LSG1: variants seen among roughly 807,000 people sequenced by gnomAD.
LSG1 encodes large subunit GTPase 1 homolog.
Under a neutral mutation model 82.6 loss-of-function variants are expected in LSG1, and 55 were observed. The ratio of observed to expected loss-of-function variants is 0.67; its 90% CI spans 0.54 to 0.83. LSG1 has a LOEUF of 0.83. LSG1 is among the 40% of genes least tolerant of loss of function. The pLI, the probability that LSG1 is intolerant of heterozygous loss-of-function variation, is 0.00. For missense variants in LSG1, 809 were observed against 807.9 expected, an observed-to-expected ratio of 1.00 and a Z score of -0.02; for synonymous variants, 272 against 282.5, an observed-to-expected ratio of 0.96 and a Z score of 0.37.
rs756114456 is a variant in LSG1, at chr3:194,651,126, T to C, written c.1264A>G (p.Lys422Glu). 2 of 1,614,224 alleles carry C rather than the reference T, an allele frequency of 1.2e-6. No homozygotes were observed. The highest frequency in any genetic ancestry group is 1.1e-5 in the South Asian group (1 of 91,090). ...VSVSATPGHT[K>E]HFQTLYVEPG... ...CACCACAGAAATACCTGAAAGTGCT[T>C]TGTGTGACCAGGTGTGGCAGACACA... Residue 422 changes from lysine (K) to glutamate (E), a missense_variant, in exon 9 of 14, where the codon AAG (lysine) becomes GAG (glutamate). Transcript: ENST00000265245.
Position 194,672,105 on chromosome 3 carries a change from G to A in LSG1, c.58C>T (p.Gln20Ter), listed in dbSNP as rs148357496. The change falls in exon 1 of 14, where the codon CAG becomes TAG. Residue 20 changes from glutamine (Q) to a stop codon, truncating the protein, a stop_gained. Transcript: ENST00000265245. LOFTEE classifies it high-confidence loss of function. ...CGATGGCTTCGGCTCCGCTGAGTCTGATGGCGCATAAGGGCCCGTCCCAGC... is the reference window on the plus strand; with the variant it reads ...CGATGGCTTCGGCTCCGCTGAGTCTAATGGCGCATAAGGGCCCGTCCCAGC... ...GSLGRALMRH[Q>*]TQRSRSHRHT... is the part of the protein sequence containing the mutation. 1.1e-4 allele frequency: 177 copies of A among 1,610,338 alleles called. No homozygotes were observed. Among genetic ancestry groups the A allele is most frequent in the Non-Finnish European group, 6.6e-5 (78 of 1,180,016 alleles).
At chr3:194,666,855 T>A (rs933785159) in intron 2 of LSG1, among the ~76,000 whole-genome samples, 6 of 152,172 alleles carry the variant, frequency 3.9e-5, no homozygotes, top group African/African-American at 7.2e-5. Context: ...AAGTTTTCAT[T>A]ATTAAAATAC....
chr3:194,669,970 T>C (rs775283127), intron 2 of LSG1, 39 bp downstream of exon 2: 28 of 1,583,654 alleles, frequency 1.8e-5, no homozygotes, highest in Admixed American at 3.7e-5. Context: ...CAGATGGAAA[T>C]GTGACAGTCT....
intron 12 of LSG1, among the ~76,000 whole-genome samples, chr3:194,645,563 CACACACAG>C (rs1718523472): frequency 8.5e-5 from 5 of 58,690 alleles, no homozygotes; most frequent in East Asian, 6.3e-4. Context: ...CACACACACA[CACACACAG>C]ACAGACACAC....
rs182317572 is a variant in LSG1 at position 194,671,004 on chromosome 3, T to C, written c.100-869A>G. Reference sequence around the variant, plus strand: ...CAAGAGACTGAGGCAGGGGGATTATTTGTGCCCAGAAGTTTGAGACTGTAG... The same window carrying C: ...CAAGAGACTGAGGCAGGGGGATTATCTGTGCCCAGAAGTTTGAGACTGTAG... On this transcript the variant is annotated intron_variant, in intron 1 of 13. Transcript: ENST00000265245. 6.8e-4 allele frequency among the ~76,000 whole-genome samples: 104 copies of C among 152,286 alleles called. 3 individuals are homozygous for C. The highest frequency in any genetic ancestry group is 5.7e-3 in the Admixed American group (87 of 15,294).
At chr3:194,644,774 T>A (rs200815345) in intron 12 of LSG1, 28 bp from the exon 13 acceptor site, 1 of 1,574,754 alleles carries the variant, frequency 6.4e-7, no homozygotes, top group South Asian at 1.2e-5. Context: ...ATGACAACAG[T>A]GCAGCCTAAG....
intron 5 of LSG1, among the ~76,000 whole-genome samples, chr3:194,663,392 C>A (rs1718974107): frequency 7.1e-6 from 1 of 140,944 alleles, no homozygotes; most frequent in African/African-American, 2.6e-5. Context: ...AAGCCTTTCC[C>A]TTCTTCCGCC....
intron 2 of LSG1, 82 bp downstream of exon 2, chr3:194,669,927 T>A: frequency 6.6e-7 from 1 of 1,509,456 alleles, no homozygotes; most frequent in South Asian, 1.3e-5. Context: ...CGAGACTCCA[T>A]CTCAAAACAA....
chr3:194,668,249 A>G (rs1352191784), intron 2 of LSG1, among the ~76,000 whole-genome samples: 1 of 152,106 alleles, frequency 6.6e-6, no homozygotes, highest in African/African-American at 2.4e-5. Flanking sequence ...ACACATGCAC[A>G]TATTTTTGTG....
chr3:194,651,200 A>G lies in LSG1; in HGVS notation c.1190T>C (p.Val397Ala). 6.2e-7 allele frequency: 1 copy of G among 1,614,008 alleles called. No individual in the cohort carries two copies. Among genetic ancestry groups the G allele is most frequent in the African/African-American group, 1.3e-5 (1 of 75,060 alleles). The change falls in exon 9 of 14, where the codon GTT becomes GCT. Residue 397 changes from valine (V) to alanine (A), a missense_variant. Transcript: ENST00000265245. ...GGTGTTGATTGTTGAACTCTTACCA[A>G]CATTAGGGTAGCCCACCTAGAAGAG... ...LTVGLVGYPN[V>A]GKSSTINTIM...
intron 10 of LSG1, among the ~76,000 whole-genome samples, chr3:194,650,428 T>G (rs1695670443): frequency 6.6e-6 from 1 of 152,258 alleles, no homozygotes; most frequent in Non-Finnish European, 1.5e-5. Context: ...AACAGCAGTA[T>G]CTGCCTTAAG....
chr3:194,666,552 C>T lies in LSG1; in HGVS notation c.247G>A (p.Val83Met), dbSNP rs1240588946. 6.2e-7 allele frequency: 1 copy of T among 1,611,926 alleles called. No individual in the cohort carries two copies. Among genetic ancestry groups the T allele is most frequent in the Admixed American group, 1.7e-5 (1 of 59,592 alleles). ...FVAEKLNIKFVPAEARTGLLS... is the reference protein window; with the variant it reads ...FVAEKLNIKFMPAEARTGLLS... ...AGTCCAGTTCTAGCCTCAGCAGGCA[C>T]AAACTTAATATTAAGTTTCTCTGTT... Residue 83 changes from valine (V) to methionine (M), a missense_variant, in exon 3 of 14, where the codon GTG becomes ATG. Coordinates refer to ENST00000265245, the MANE Select transcript of LSG1 (RefSeq NM_018385.3).
At chr3:194,666,688 TTGA>T in intron 2 of LSG1, 116 bp from the exon 3 acceptor site, 1 of 804,470 alleles carries the variant, frequency 1.2e-6, no homozygotes, top group Non-Finnish European at 1.9e-6. Context: ...TTAAGATTTC[TTGA>T]TTTAGATTCT....
At chr3:194,661,264 A>C (rs1211576218) in intron 5 of LSG1, among the ~76,000 whole-genome samples, 2 of 152,212 alleles carry the variant, frequency 1.3e-5, no homozygotes, top group Admixed American at 6.5e-5. Flanking sequence ...TTCCTTCTTT[A>C]AGGTAATAAT....
intron 5 of LSG1, among the ~76,000 whole-genome samples, chr3:194,664,208 C>T (rs9859441): frequency 0.45 from 68,094 of 152,002 alleles, 16,125 homozygotes; most frequent in Non-Finnish European, 0.53. Flanking sequence ...CTGCCTGGAC[C>T]TCCTAAAGTG....
rs1560219869 is a variant in LSG1, at chr3:194,645,581, C to CACACACACACAGACAG, written c.1623+582_1623+583insCTGTCTGTGTGTGTGT. Among the ~76,000 whole-genome samples, 71 of 65,588 alleles carry CACACACACACAGACAG rather than the reference C, an allele frequency of 1.1e-3. 3 individuals are homozygous for CACACACACACAGACAG. In the South Asian group the frequency reaches 0.015, roughly 14 times the overall value. The allele number at this position is 65,588 out of a possible 152,430, so 43.0% of individuals were successfully genotyped here. On this transcript the variant is annotated intron_variant, in intron 12 of 13. Coordinates refer to ENST00000265245, the MANE Select transcript of LSG1 (RefSeq NM_018385.3). Reference sequence around the variant, plus strand: ...ACACACACACACACAGACAGACACACACACACACACACACACACACACACA... The same window carrying CACACACACACAGACAG: ...ACACACACACACACAGACAGACACACACACACACACAGACAGACACACACACACACACACACACACA...
chr3:194,657,914 C>G (rs1177186496), intron 7 of LSG1, among the ~76,000 whole-genome samples: 1 of 152,076 alleles, frequency 6.6e-6, no homozygotes, highest in African/African-American at 2.4e-5. Flanking sequence ...GAGAAATATG[C>G]AACTTTGACA....
chr3:194,669,143 T>C (rs973445954), intron 2 of LSG1, among the ~76,000 whole-genome samples: 1 of 152,190 alleles, frequency 6.6e-6, no homozygotes, highest in African/African-American at 2.4e-5. Flanking sequence ...TAGTTAATAA[T>C]AACACATTTA....
At chr3:194,667,563 C>T (rs1370189876) in intron 2 of LSG1, among the ~76,000 whole-genome samples, 3 of 152,094 alleles carry the variant, frequency 2.0e-5, no homozygotes, top group African/African-American at 7.2e-5. Flanking sequence ...TCCTGTTTCT[C>T]TAGATTCCAG....
Sources: gnomAD v4.1 joint callset for allele counts (sites outside exome capture counted in the v4.1 genomes callset) on GRCh38, gnomAD v4.1.1 for gene constraint, MANE v1.5 for transcripts, NCBI Gene and HGNC (gene_info 2026-07-23, HGNC 2026-07-21) for gene names.